Variants in WWP1 observed in about 807,000 individuals in gnomAD.
WWP1 encodes WW domain containing E3 ubiquitin protein ligase 1, also known as NEDD4-like E3 ubiquitin-protein ligase WWP1.
Under a neutral mutation model 130.6 loss-of-function variants are expected in WWP1, and 49 were observed. The observed-to-expected ratio is 0.38, with a 90% CI of 0.30 to 0.48. The LOEUF is 0.48. Among genes scored for constraint, WWP1 ranks in the 20% least tolerant of loss-of-function variants. The pLI, the probability that WWP1 is intolerant of heterozygous loss-of-function variation, is 0.99. For synonymous variants in WWP1, 332 were observed against 367.8 expected (o/e 0.90, Z 1.11); for missense variants, 809 against 1,100.6 (o/e 0.74, Z 3.75).
chr8:86,363,013 G>A (rs62509419), intron 1 of WWP1, among the ~76,000 whole-genome samples: 64,574 of 151,806 alleles, frequency 0.43, 15,087 homozygotes, highest in Non-Finnish European at 0.53. Flanking sequence ...TATAGTACTC[G>A]ATAATTCATA....
At chr8:86,403,180 T>C (rs1365852907) in intron 8 of WWP1, among the ~76,000 whole-genome samples, 1 of 152,226 alleles carries the variant, frequency 6.6e-6, no homozygotes, top group Non-Finnish European at 1.5e-5. Context: ...CCTGGTCTTT[T>C]TATTCAAGAG....
intron 3 of WWP1, among the ~76,000 whole-genome samples, chr8:86,378,439 T>C (rs1824794865): frequency 6.6e-6 from 1 of 152,086 alleles, no homozygotes. Flanking sequence ...TTATTGTGAG[T>C]GGGATTTTTG....
chr8:86,389,683 C>T (rs931634326), intron 5 of WWP1, among the ~76,000 whole-genome samples: 63 of 152,316 alleles, frequency 4.1e-4, no homozygotes, highest in African/African-American at 1.3e-3. Flanking sequence ...ACCTCCCAGA[C>T]GGGGTGGCGG....
intron 22 of WWP1, among the ~76,000 whole-genome samples, chr8:86,459,912 G>C (rs1440772894): frequency 1.3e-5 from 2 of 152,178 alleles, no homozygotes; most frequent in African/African-American, 2.4e-5. Context: ...AATAAGTCTT[G>C]TTTCTTGTGT....
chr8:86,373,833 A>T (rs1277055201), intron 2 of WWP1, among the ~76,000 whole-genome samples, 197 bp from the exon 3 acceptor site: 1 of 151,810 alleles, frequency 6.6e-6, no homozygotes, highest in African/African-American at 2.4e-5. Flanking sequence ...GTTTATTTTT[A>T]TTTTTGCTTA....
In WWP1 at chr8:86,390,630, C is replaced by G. The variant is rs1370034963; in HGVS notation, c.335-7712C>G. Reference sequence around the variant, plus strand: ...AATCAGGCAGGGAGGTTGCAGTGAACCGAGATGGCGGCAGCACAGTCCAGC... The same window carrying G: ...AATCAGGCAGGGAGGTTGCAGTGAAGCGAGATGGCGGCAGCACAGTCCAGC... On this transcript the variant is annotated intron_variant, in intron 5 of 24. Transcript: ENST00000517970. Among the ~76,000 whole-genome samples, 4 of 151,794 alleles carry G rather than the reference C, an allele frequency of 2.6e-5. No individual in the cohort carries two copies. In the East Asian group the frequency reaches 7.8e-4, roughly 29 times the overall value.
intron 5 of WWP1, among the ~76,000 whole-genome samples, chr8:86,394,543 T>TGAAGGAAATGAGCAAAGCAGTG (rs1305875039): frequency 2.0e-5 from 3 of 152,174 alleles, no homozygotes; most frequent in Non-Finnish European, 4.4e-5. Context: ...GTAAGTGCAT[T>TGAAGGAAATGAGCAAAGCAGTG]GAAGGAAATG....
intron 9 of WWP1, among the ~76,000 whole-genome samples, chr8:86,412,955 A>G (rs954719950): frequency 6.6e-6 from 1 of 151,420 alleles, no homozygotes; most frequent in Admixed American, 6.6e-5. Flanking sequence ...TAGCCTCCCA[A>G]GTGGCTGGGA....
At chr8:86,435,103 T>C (rs970570075) in intron 14 of WWP1, among the ~76,000 whole-genome samples, 3 of 152,354 alleles carry the variant, frequency 2.0e-5, no homozygotes, top group African/African-American at 7.2e-5. Context: ...TGTGGTAGAA[T>C]TTCCTTCCAC....
intron 5 of WWP1, among the ~76,000 whole-genome samples, chr8:86,386,004 C>T (rs1825261358): frequency 6.6e-6 from 1 of 152,170 alleles, no homozygotes; most frequent in Non-Finnish European, 1.5e-5. Flanking sequence ...GTTTGAAAAT[C>T]ACTTTTCTAT....
chr8:86,428,744 G>A (rs1194322602), intron 11 of WWP1, among the ~76,000 whole-genome samples: 1 of 152,090 alleles, frequency 6.6e-6, no homozygotes, highest in Non-Finnish European at 1.5e-5. Flanking sequence ...GACTTGTACA[G>A]AAATCTGTGG....
chr8:86,387,734 G>T (rs557689514), intron 5 of WWP1, among the ~76,000 whole-genome samples: 142 of 152,248 alleles, frequency 9.3e-4, no homozygotes, highest in Non-Finnish European at 1.8e-3. Context: ...ATGTTAGCCA[G>T]ACTGGTCTCG....
chr8:86,445,078 A>C (rs1335221962), intron 18 of WWP1, among the ~76,000 whole-genome samples: 1 of 152,060 alleles, frequency 6.6e-6, no homozygotes, highest in Non-Finnish European at 1.5e-5. Flanking sequence ...AGAGGAAGCA[A>C]GGGTGGGGAG....
intron 5 of WWP1, among the ~76,000 whole-genome samples, chr8:86,393,905 G>A (rs1357936439): frequency 6.6e-6 from 1 of 152,156 alleles, no homozygotes; most frequent in African/African-American, 2.4e-5. Flanking sequence ...AGTCATATAG[G>A]CATTTCAGGT....
chr8:86,349,210 G>C (rs892473517), intron 1 of WWP1, among the ~76,000 whole-genome samples: 23 of 152,082 alleles, frequency 1.5e-4, no homozygotes, highest in African/African-American at 5.6e-4. Context: ...GTAGAGATGG[G>C]GTTTCACCAT....
At chr8:86,385,771 C>A (rs534803268) in intron 5 of WWP1, among the ~76,000 whole-genome samples, 13 of 152,116 alleles carry the variant, frequency 8.5e-5, no homozygotes, top group Admixed American at 7.9e-4. Flanking sequence ...TTCAGTGCTT[C>A]CCACAGTCCA....
chr8:86,390,055 C>CG (rs1382044052), intron 5 of WWP1, among the ~76,000 whole-genome samples: 2 of 151,280 alleles, frequency 1.3e-5, no homozygotes. Flanking sequence ...AGATCCCAGA[C>CG]GGGGTCGCAG....
chr8:86,424,699 G>A (rs1050641055), intron 9 of WWP1, among the ~76,000 whole-genome samples: 1 of 151,614 alleles, frequency 6.6e-6, no homozygotes, highest in African/African-American at 2.4e-5. Context: ...CAGGCACTCG[G>A]CAGGCTGAGG....
At chr8:86,423,935 C>T (rs1242935808) in intron 9 of WWP1, among the ~76,000 whole-genome samples, 10 of 104,268 alleles carry the variant, frequency 9.6e-5, no homozygotes, top group Admixed American at 4.6e-4. Flanking sequence ...GGCGGCTGGC[C>T]GGGCGGGGGC....
Sources: allele counts gnomAD v4.1 joint callset (sites outside exome capture counted in the v4.1 genomes callset), GRCh38; gene constraint gnomAD v4.1.1; transcripts MANE v1.5; gene names NCBI Gene and HGNC (gene_info 2026-07-23, HGNC 2026-07-21).